The following PDCD11 variants were observed in gnomAD, a reference collection of about 807,000 sequenced individuals.
PDCD11 encodes programmed cell death 11, also known as protein RRP5 homolog.
Under a neutral mutation model 198.9 loss-of-function variants are expected in PDCD11, and 97 were observed. That is an observed-to-expected ratio of 0.49 (90% CI 0.41 to 0.58). The LOEUF (loss-of-function observed/expected upper bound fraction) is 0.58. PDCD11 is among the 20% of genes least tolerant of loss of function. The pLI is 0.00. For synonymous variants in PDCD11, 893 were observed against 918.0 expected (o/e 0.97, Z 0.49); for missense variants, 2,102 against 2,312.7 (o/e 0.91, Z 1.87).
intron 16 of PDCD11, 38 bp downstream of exon 16, chr10:103,419,746 A>T (rs1278831168): frequency 6.3e-7 from 1 of 1,593,210 alleles, no homozygotes; most frequent in East Asian, 2.2e-5. Flanking sequence ...TTGAGGAGAG[A>T]TACAAGGTCA....
At position 103,419,526 on chromosome 10, in the gene PDCD11, A is replaced by G. The variant is rs1179164378; in HGVS notation, c.2107-12A>G. The G allele has an allele frequency of 6.2e-7, 1 of 1,610,770 alleles. No individual in the cohort carries two copies. ...GCCCTTTCTGGAACATTCCTTGATG[A>G]AGTACCACTAGCTTCTTTGCAGGAA... is the stretch of plus-strand genomic sequence containing the variant. On this transcript the variant is annotated splice_polypyrimidine_tract_variant and intron_variant, in intron 15 of 35. Coordinates refer to ENST00000369797, the MANE Select transcript of PDCD11 (RefSeq NM_014976.2).
chr10:103,438,178 C>T, intron 26 of PDCD11, 107 bp downstream of exon 26: 3 of 845,738 alleles, frequency 3.5e-6, no homozygotes, highest in Admixed American at 1.8e-5. Flanking sequence ...CTTCTCTGCT[C>T]ATCACTTTTT....
At position 103,401,765 on chromosome 10, in the gene PDCD11, T is replaced by G. The variant is rs1213922774; in HGVS notation, c.234+1237T>G. The stretch of plus-strand genomic sequence containing the variant: ...AATTTTTTTTTTTTTTGAGACGGAG[T>G]CTCGCACAGTCGCCCAGGCTGGAGT... On this transcript the variant is annotated intron_variant, in intron 3 of 35. Coordinates refer to ENST00000369797, the MANE Select transcript of PDCD11 (RefSeq NM_014976.2). Among the ~76,000 whole-genome samples the G allele has an allele frequency of 2.0e-5, 3 of 151,576 alleles. No homozygotes were observed. The East Asian group carries it at 5.9e-4, about 30-fold the overall frequency.
rs768429618 is a variant in PDCD11, at chr10:103,423,005, A to ACGC, written c.2516_2518dup (p.Thr839_Leu840insPro). 7.0e-6 allele frequency: 11 copies of ACGC among 1,568,792 alleles called. No individual in the cohort carries two copies. Among genetic ancestry groups the ACGC allele is most frequent in the Non-Finnish European group, 8.6e-6 (10 of 1,158,048 alleles). On this transcript the variant is annotated inframe_insertion, in exon 18 of 36. Transcript: ENST00000369797. ...TCTGGCAGACTCTGTGTTGATCCAGACGCTGGCCGAGATGACCCCAGGAAT... is the reference window on the plus strand; with the variant it reads ...TCTGGCAGACTCTGTGTTGATCCAGACGCCGCTGGCCGAGATGACCCCAGGAAT...
intron 2 of PDCD11, among the ~76,000 whole-genome samples, chr10:103,398,757 G>A (rs2093449883): frequency 1.3e-5 from 2 of 152,168 alleles, no homozygotes; most frequent in Non-Finnish European, 2.9e-5. Context: ...AGTGGCTCAT[G>A]CCTGTAATCC....
At chr10:103,421,041 A>C (rs527806218) in intron 16 of PDCD11, among the ~76,000 whole-genome samples, 8 of 151,932 alleles carry the variant, frequency 5.3e-5, no homozygotes, top group Non-Finnish European at 1.0e-4. Context: ...ACTCCTGGCT[A>C]ATTTTTGTAT....
Position 103,444,643 on chromosome 10 carries a change from T to A in PDCD11, c.5405T>A (p.Ile1802Asn), listed in dbSNP as rs2032523171. The A allele has an allele frequency of 6.8e-6, 11 of 1,614,126 alleles. No individual in the cohort carries two copies. Among genetic ancestry groups the A allele is most frequent in the African/African-American group, 1.3e-5 (1 of 75,060 alleles). ...PKRTDVWSVY[I>N]DMTIKHGSQK... is the part of the protein sequence containing the mutation. ...CGCACAGATGTCTGGTCGGTCTATA[T>A]CGACATGACCATCAAGCACGGCAGC... Residue 1802 changes from isoleucine (I) to asparagine (N), a missense_variant, in exon 35 of 36, where the codon ATC becomes AAC. Physicochemically the swap from Ile to Asn is moderately radical, Grantham distance 149. Coordinates refer to ENST00000369797, the MANE Select transcript of PDCD11 (RefSeq NM_014976.2).
intron 20 of PDCD11, among the ~76,000 whole-genome samples, chr10:103,426,361 A>C (rs1396309176): frequency 6.6e-6 from 1 of 152,246 alleles, no homozygotes; most frequent in Admixed American, 6.5e-5. Flanking sequence ...TTTGCATATT[A>C]ATTTCAGTAG....
intron 3 of PDCD11, 136 bp from the exon 4 acceptor site, chr10:103,402,982 A>G: frequency 2.5e-6 from 2 of 796,570 alleles, no homozygotes; most frequent in Non-Finnish European, 2.0e-6. Flanking sequence ...TGGCCACCCA[A>G]AGTATTGGAA....
chr10:103,442,464 T>C lies in PDCD11; in HGVS notation c.4955+4T>C. ...CCCTTAAGACCATCTCCTTCAGGTC[T>C]CAGCTTTGCCCCAGGGAGCACAGTG... On this transcript the variant is annotated splice_donor_region_variant and intron_variant, in intron 32 of 35. Coordinates refer to ENST00000369797, the MANE Select transcript of PDCD11 (RefSeq NM_014976.2). 1 of 1,612,216 alleles carries C rather than the reference T, an allele frequency of 6.2e-7. No individual in the cohort carries two copies. The highest frequency in any genetic ancestry group is 8.5e-7 in the Non-Finnish European group (1 of 1,179,190).
rs757707022 is a variant in PDCD11 at position 103,421,345 on chromosome 10, C to G, written c.2278-3C>G. 1 of 1,601,782 alleles carries G rather than the reference C, an allele frequency of 6.2e-7. No homozygotes were observed. The highest frequency in any genetic ancestry group is 8.5e-7 in the Non-Finnish European group (1 of 1,173,112). ...CTCATCTCCTGCCTGTTCTTCTGTT[C>G]AGATCATGAGTGACAAATTTGTGAC... is the stretch of plus-strand genomic sequence containing the variant. On this transcript the variant is annotated splice_region_variant and splice_polypyrimidine_tract_variant and intron_variant, in intron 16 of 35. Coordinates refer to ENST00000369797, the MANE Select transcript of PDCD11 (RefSeq NM_014976.2).
At chr10:103,410,736 T>G (rs559924208) in intron 8 of PDCD11, among the ~76,000 whole-genome samples, 1 of 150,670 alleles carries the variant, frequency 6.6e-6, no homozygotes, top group East Asian at 2.0e-4. Context: ...GTCCTCAGAG[T>G]AGCTAGGACC....
At chr10:103,432,459 T>A (rs2031977206) in intron 22 of PDCD11, among the ~76,000 whole-genome samples, 1 of 152,220 alleles carries the variant, frequency 6.6e-6, no homozygotes, top group South Asian at 2.1e-4. Flanking sequence ...TAATTCATTG[T>A]TGGTAGGTTA....
chr10:103,427,456 G>A (rs919660763), intron 21 of PDCD11, 65 bp downstream of exon 21: 21 of 1,280,910 alleles, frequency 1.6e-5, no homozygotes, highest in African/African-American at 4.5e-5. Context: ...TAGGAATCCC[G>A]AATTCGAATC....
chr10:103,404,932 G>A, intron 4 of PDCD11, 90 bp from the exon 5 acceptor site: 1 of 1,242,884 alleles, frequency 8.0e-7, no homozygotes, highest in Non-Finnish European at 1.1e-6. Flanking sequence ...TGGGGTCTGA[G>A]GATGAGAAGT....
At chr10:103,419,745 G>A in intron 16 of PDCD11, 37 bp downstream of exon 16, 2 of 1,594,426 alleles carry the variant, frequency 1.3e-6, no homozygotes, top group Non-Finnish European at 8.6e-7. Context: ...TTTGAGGAGA[G>A]ATACAAGGTC....
Position 103,438,762 on chromosome 10 carries a change from C to T in PDCD11, c.3979C>T (p.Leu1327=). 1 of 1,614,140 alleles carries T rather than the reference C, an allele frequency of 6.2e-7. No individual in the cohort carries two copies. The highest frequency in any genetic ancestry group is 8.5e-7 in the Non-Finnish European group (1 of 1,180,006). ...CCAGGACATTAAGGAAGGGCAGCTTCTGAGGGGCTATGTAGGGTCCATCCA... is the reference window on the plus strand; with the variant it reads ...CCAGGACATTAAGGAAGGGCAGCTTTTGAGGGGCTATGTAGGGTCCATCCA... ...SIQDIKEGQL[L]RGYVGSIQPH... The change falls in exon 27 of 36, where the codon CTG becomes TTG. Residue 1327 remains leucine (L), a synonymous_variant. Coordinates refer to ENST00000369797, the MANE Select transcript of PDCD11 (RefSeq NM_014976.2).
intron 16 of PDCD11, among the ~76,000 whole-genome samples, chr10:103,419,953 C>CTTTTTT (rs35847749): frequency 6.2e-5 from 6 of 97,394 alleles, no homozygotes; most frequent in African/African-American, 8.1e-5. Flanking sequence ...ACATGCCAGG[C>CTTTTTT]TTTTTTTTTT....
Position 103,413,206 on chromosome 10 carries a change from A to T in PDCD11, c.1069A>T (p.Thr357Ser). 1.2e-6 allele frequency: 2 copies of T among 1,613,974 alleles called. No individual in the cohort carries two copies. The highest frequency in any genetic ancestry group is 1.7e-6 in the Non-Finnish European group (2 of 1,179,984). ...CTTCCTACAGCCTGGACGCCCACTC[A>T]CCCGACTCTCTTGCCAGAACCTTGG... ...PIFLQPGRPLTRLSCQNLGAV... is the reference protein window; with the variant it reads ...PIFLQPGRPLSRLSCQNLGAV... The change falls in exon 9 of 36, where the codon ACC (threonine) becomes TCC (serine). Residue 357 changes from threonine to serine, a missense_variant. Transcript: ENST00000369797.
Sources: gnomAD v4.1 joint callset for allele counts (sites outside exome capture counted in the v4.1 genomes callset) on GRCh38, gnomAD v4.1.1 for gene constraint, MANE v1.5 for transcripts, NCBI Gene and HGNC (gene_info 2026-07-23, HGNC 2026-07-21) for gene names.